The following XKR6 variants were observed in gnomAD, a reference collection of about 807,000 sequenced individuals.
The protein encoded by XKR6 is XK related 6.
Under a neutral mutation model 56.7 loss-of-function variants are expected in XKR6, and 22 were observed. The observed-to-expected ratio is 0.39, with a 90% CI of 0.28 to 0.55. The LOEUF is 0.55. Among genes scored for constraint, XKR6 ranks in the 20% least tolerant of loss-of-function variants. The probability of loss-of-function intolerance (pLI) is 0.66; values close to 1 mark genes in which losing one functional copy is unlikely to be tolerated. For synonymous variants in XKR6, 524 were observed against 387.8 expected (o/e 1.35, Z -4.13); for missense variants, 852 against 889.0 (o/e 0.96, Z 0.53).
At position 10,896,894 on chromosome 8, in the gene XKR6, G is replaced by C. The variant is rs1799898261; in HGVS notation, c.*1058C>G. On this transcript the variant is annotated 3_prime_UTR_variant, in exon 3 of 3. Coordinates refer to ENST00000416569, the MANE Select transcript of XKR6 (RefSeq NM_173683.4). The stretch of plus-strand genomic sequence containing the variant: ...ATGTGATAAATGTCTACCATTCACA[G>C]CCTTAAAATGATGGAACTAATCGTT... 1 of 152,498 alleles carries C rather than the reference G, an allele frequency of 6.6e-6. No homozygotes were observed. Among genetic ancestry groups the C allele is most frequent in the African/African-American group, 2.4e-5 (1 of 41,400 alleles). The allele number at this position is 152,498 out of a possible 1,614,324, so 9.4% of individuals were successfully genotyped here.
At chr8:10,979,686 C>T (rs1316088909) in intron 1 of XKR6, among the ~76,000 whole-genome samples, 1 of 152,318 alleles carries the variant, frequency 6.6e-6, no homozygotes, top group African/African-American at 2.4e-5. Flanking sequence ...GTGGACAAGT[C>T]AGGCTGCCTG....
chr8:11,158,792 C>T (rs1279549272), intron 1 of XKR6, among the ~76,000 whole-genome samples: 1 of 152,108 alleles, frequency 6.6e-6, no homozygotes, highest in Non-Finnish European at 1.5e-5. Context: ...TTAAGTTCTA[C>T]GCTTAGGTTC....
At chr8:11,063,848 T>C (rs960691226) in intron 1 of XKR6, among the ~76,000 whole-genome samples, 1 of 152,214 alleles carries the variant, frequency 6.6e-6, no homozygotes, top group Non-Finnish European at 1.5e-5. Flanking sequence ...AATCTCCCCA[T>C]AGAGGCTACT....
intron 1 of XKR6, among the ~76,000 whole-genome samples, chr8:11,002,065 T>TTA (rs1241021571): frequency 1.6e-5 from 2 of 127,076 alleles, no homozygotes; most frequent in African/African-American, 6.0e-5. Context: ...CCATGTGAGT[T>TTA]AAAAAAAAAA....
rs74422059 is a variant in XKR6, at chr8:11,046,555, T to C, written c.765-121725A>G. On this transcript the variant is annotated intron_variant, in intron 1 of 2. Transcript: ENST00000416569. Reference sequence around the variant, plus strand: ...AGTAACTCAAGTGTTCACCGGTGGATGAATGGATAGAGAAAATGTGGTTAT... The same window carrying C: ...AGTAACTCAAGTGTTCACCGGTGGACGAATGGATAGAGAAAATGTGGTTAT... Among the ~76,000 whole-genome samples the C allele has an allele frequency of 2.4e-3, 361 of 152,282 alleles. 1 individual carries two copies. The highest frequency in any genetic ancestry group is 8.5e-3 in the African/African-American group (352 of 41,554).
intron 1 of XKR6, chr8:11,062,745 C>G: frequency 2.2e-6 from 1 of 456,228 alleles, no homozygotes; most frequent in South Asian, 1.5e-5. Context: ...GTGACATAAA[C>G]AGCTACGTAC....
At chr8:11,164,968 T>G (rs946365956) in intron 1 of XKR6, among the ~76,000 whole-genome samples, 1 of 152,146 alleles carries the variant, frequency 6.6e-6, no homozygotes, top group African/African-American at 2.4e-5. Flanking sequence ...AAAGGAGATA[T>G]GTGCTTAAGT....
chr8:11,159,378 A>G (rs183210210), intron 1 of XKR6, among the ~76,000 whole-genome samples: 4 of 152,336 alleles, frequency 2.6e-5, no homozygotes, highest in Admixed American at 2.6e-4. Context: ...TAATGACCAC[A>G]ATGCAGTCTG....
intron 2 of XKR6, among the ~76,000 whole-genome samples, chr8:10,900,811 G>A (rs1215210685): frequency 1.3e-5 from 2 of 150,172 alleles, no homozygotes; most frequent in African/African-American, 4.9e-5. Flanking sequence ...TAGGAGTAAT[G>A]TGATGTAGGT....
intron 1 of XKR6, among the ~76,000 whole-genome samples, chr8:10,976,290 C>G (rs1563322873): frequency 6.6e-6 from 1 of 152,180 alleles, no homozygotes; most frequent in Admixed American, 6.5e-5. Flanking sequence ...TAAACAAGCC[C>G]ACCCAAGACC....
chr8:10,930,081 GAGA>G (rs34745437), intron 1 of XKR6, among the ~76,000 whole-genome samples: 21,002 of 152,170 alleles, frequency 0.14, 1,725 homozygotes, highest in Non-Finnish European at 0.18. Flanking sequence ...AGGAAAATCA[GAGA>G]AGGTCTCGTC....
At chr8:11,087,144 G>C (rs1797917347) in intron 1 of XKR6, among the ~76,000 whole-genome samples, 1 of 152,146 alleles carries the variant, frequency 6.6e-6, no homozygotes, top group South Asian at 2.1e-4. Context: ...TTCCTCTATA[G>C]CTCACCTCTT....
chr8:10,933,778 C>T (rs1373072792), intron 1 of XKR6, among the ~76,000 whole-genome samples: 1 of 148,108 alleles, frequency 6.8e-6, no homozygotes, highest in Non-Finnish European at 1.5e-5. Flanking sequence ...GGTACCAGTA[C>T]CATGCTGTTT....
At chr8:11,053,353 C>T (rs10111974) in intron 1 of XKR6, among the ~76,000 whole-genome samples, 49,955 of 152,124 alleles carry the variant, frequency 0.33, 9,399 homozygotes, top group African/African-American at 0.52. Context: ...CTCCCGTGAG[C>T]GGCCTGACTC....
chr8:10,985,441 T>C (rs1797839873), intron 1 of XKR6, among the ~76,000 whole-genome samples: 1 of 152,072 alleles, frequency 6.6e-6, no homozygotes, highest in South Asian at 2.1e-4. Flanking sequence ...ACTCAGCTGA[T>C]ATATTTGATA....
chr8:10,919,815 A>G (rs546624691), intron 2 of XKR6, among the ~76,000 whole-genome samples: 35 of 152,076 alleles, frequency 2.3e-4, no homozygotes, highest in Non-Finnish European at 4.4e-4. Context: ...TAAATGTGAC[A>G]TGTCAGAATT....
intron 1 of XKR6, among the ~76,000 whole-genome samples, chr8:10,954,868 T>C (rs200047127): frequency 0.015 from 1,924 of 125,574 alleles, 112 homozygotes; most frequent in Admixed American, 0.11. Flanking sequence ...TTCATTCTCT[T>C]TTTTTTTTTT....
chr8:10,960,902 A>G (rs552810053), intron 1 of XKR6, among the ~76,000 whole-genome samples: 1 of 152,342 alleles, frequency 6.6e-6, no homozygotes, highest in South Asian at 2.1e-4. Context: ...ACAGCACACA[A>G]GTAAACAAAC....
intron 1 of XKR6, among the ~76,000 whole-genome samples, chr8:11,014,066 T>A (rs1446184911): frequency 6.6e-6 from 1 of 152,212 alleles, no homozygotes; most frequent in East Asian, 1.9e-4. Flanking sequence ...AGATCCATCA[T>A]AATCTGTGTT....
Sources: allele counts gnomAD v4.1 joint callset (sites outside exome capture counted in the v4.1 genomes callset), GRCh38; gene constraint gnomAD v4.1.1; transcripts MANE v1.5; gene names NCBI Gene and HGNC (gene_info 2026-07-23, HGNC 2026-07-21).